Variants in MYO15A observed in about 807,000 individuals in gnomAD.
MYO15A encodes unconventional myosin-XV.
In MYO15A, 308 loss-of-function variants were observed where a neutral mutation model predicts 394.6. The observed-to-expected ratio is 0.78, with a 90% CI of 0.71 to 0.86. The LOEUF is 0.86. Among genes scored for constraint, MYO15A ranks in the 40% least tolerant of loss-of-function variants. The probability of loss-of-function intolerance (pLI) is 0.00; values close to 1 mark genes in which losing one functional copy is unlikely to be tolerated. For missense variants in MYO15A, 4,606 were observed against 4,799.1 expected, an observed-to-expected ratio of 0.96 and a Z score of 1.19; for synonymous variants, 1,957 against 2,003.8, an observed-to-expected ratio of 0.98 and a Z score of 0.62.
In MYO15A at chr17:18,120,597, C is replaced by T. The variant is rs12950307; in HGVS notation, c.1797C>T (p.Gly599=). ...LRGSQKARAG[G]PAVREAAYKR... Reference sequence around the variant, plus strand: ...GCAGCCAGAAGGCCCGGGCGGGCGGCCCTGCTGTCAGGGAGGCGGCCTACA... The same window carrying T: ...GCAGCCAGAAGGCCCGGGCGGGCGGTCCTGCTGTCAGGGAGGCGGCCTACA... The change falls in exon 2 of 66, where the codon GGC becomes GGT. Residue 599 remains glycine (G), a synonymous_variant. Transcript: ENST00000647165. 6.3e-7 allele frequency: 1 copy of T among 1,598,104 alleles called. No homozygotes were observed.
chr17:18,122,062 G>A lies in MYO15A; in HGVS notation c.3262G>A (p.Ala1088Thr), dbSNP rs539382039. 1.2e-5 allele frequency: 19 copies of A among 1,612,866 alleles called. No individual in the cohort carries two copies. The highest frequency in any genetic ancestry group is 3.3e-4 in the Middle Eastern group (2 of 6,062). The stretch of plus-strand genomic sequence containing the variant: ...CCGCTGGGGAACACTGCCCCAAGCC[G>A]CAGCCCCCTTGGCGCCCATCAGGGC... ...WHRWGTLPQA[A>T]APLAPIRAPE... The change falls in exon 2 of 66, where the codon GCA (alanine) becomes ACA (threonine). Residue 1088 changes from alanine (A) to threonine (T), a missense_variant. Physicochemically the swap from Ala to Thr is moderately conservative, Grantham distance 58. Coordinates refer to ENST00000647165, the MANE Select transcript of MYO15A (RefSeq NM_016239.4).
Position 18,120,388 on chromosome 17 carries a change from C to A in MYO15A, c.1588C>A (p.Pro530Thr). 6.2e-7 allele frequency: 1 copy of A among 1,610,882 alleles called. No homozygotes were observed. The highest frequency in any genetic ancestry group is 8.5e-7 in the Non-Finnish European group (1 of 1,179,580). Residue 530 changes from proline (P) to threonine (T), a missense_variant, in exon 2 of 66, where the codon CCT becomes ACT. Pro to Thr is a conservative substitution (Grantham distance 38). Coordinates refer to ENST00000647165, the MANE Select transcript of MYO15A (RefSeq NM_016239.4). ...PPVSAVPYGHPFWGFLTPRQR... is the reference protein window; with the variant it reads ...PPVSAVPYGHTFWGFLTPRQR... ...GGTTTCCGCTGTGCCCTACGGCCACCCTTTCTGGGGCTTCCTCACGCCGCG... is the reference window on the plus strand; with the variant it reads ...GGTTTCCGCTGTGCCCTACGGCCACACTTTCTGGGGCTTCCTCACGCCGCG...
Position 18,119,340 on chromosome 17 carries a change from C to T in MYO15A, c.540C>T (p.Ile180=). 6.2e-7 allele frequency: 1 copy of T among 1,609,446 alleles called. No individual in the cohort carries two copies. Among genetic ancestry groups the T allele is most frequent in the Non-Finnish European group, 8.5e-7 (1 of 1,179,176 alleles). The change falls in exon 2 of 66, where the codon ATC becomes ATT. Residue 180 remains isoleucine, a synonymous_variant. Transcript: ENST00000647165. ...TCCCCTTCCCGTCGGGTGCCGAGAT[C>T]CTGCGGCCTGGGGGCCGGCTCCGGA... The part of the protein sequence containing the change: ...RKLPFPSGAE[I]LRPGGRLRRF...
In MYO15A at chr17:18,159,302, C is replaced by G; in HGVS notation, c.9184C>G (p.Leu3062Val). The G allele has an allele frequency of 6.2e-7, 1 of 1,614,226 alleles. No individual in the cohort carries two copies. The highest frequency in any genetic ancestry group is 8.5e-7 in the Non-Finnish European group (1 of 1,180,034). Residue 3062 changes from leucine (L) to valine (V), a missense_variant, in exon 54 of 66, where the codon CTC becomes GTC. Leu to Val is a conservative substitution (Grantham distance 32). This residue lies in a region of MYO15A where 2,776 missense variants were observed against 3,109.3 expected (regional missense o/e 0.89). Coordinates refer to ENST00000647165, the MANE Select transcript of MYO15A (RefSeq NM_016239.4). The stretch of plus-strand genomic sequence containing the variant: ...TCCCCTCCAGGAATCCCTCATCGAA[C>G]TCAGCGACAGCAGCCTCAGCAAGAT... ...KTPLQESLIE[L>V]SDSSLSKMAT...
intron 24 of MYO15A, 106 bp from the exon 25 acceptor site, chr17:18,142,650 A>G: frequency 1.1e-6 from 1 of 935,358 alleles, no homozygotes; most frequent in Non-Finnish European, 1.7e-6. Context: ...CAAAAGTGAG[A>G]TGTGGGCACT....
intron 5 of MYO15A, 114 bp from the exon 6 acceptor site, chr17:18,126,677 G>A: frequency 1.6e-6 from 2 of 1,287,792 alleles, no homozygotes; most frequent in Non-Finnish European, 2.3e-6. Context: ...CCCCCAACAG[G>A]GTGAGGGGTG....
rs1399485657 is a variant in MYO15A at position 18,138,807 on chromosome 17, C to T, written c.5008-4C>T. 1.2e-6 allele frequency: 2 copies of T among 1,613,606 alleles called. No homozygotes were observed. The highest frequency in any genetic ancestry group is 8.5e-7 in the Non-Finnish European group (1 of 1,179,892). ...CCACCCACTGATCCCTAAATTGCCC[C>T]CAGGCTACAGACCACACCTTCCTAC... On this transcript the variant is annotated splice_polypyrimidine_tract_variant and splice_region_variant and intron_variant, in intron 17 of 65. Coordinates refer to ENST00000647165, the MANE Select transcript of MYO15A (RefSeq NM_016239.4).
rs2046661193 is a variant in MYO15A, at chr17:18,155,497, T to G, written c.8459+65T>G. On this transcript the variant is annotated intron_variant, in intron 47 of 65. Coordinates refer to ENST00000647165, the MANE Select transcript of MYO15A (RefSeq NM_016239.4). The stretch of plus-strand genomic sequence containing the variant: ...GATACAGACTGGCATCGGCATTTCC[T>G]TCCCCTCCACAGCCACTTACCAAGT... The G allele has an allele frequency of 2.8e-6, 4 of 1,435,728 alleles. No homozygotes were observed. The South Asian group carries it at 4.6e-5, about 16-fold the overall frequency. 88.9% of individuals were successfully genotyped at this position (1,435,728 alleles called of 1,614,324 possible).
chr17:18,139,135 A>T (rs1177853226), intron 18 of MYO15A, 199 bp downstream of exon 18: 3 of 742,334 alleles, frequency 4.0e-6, no homozygotes, highest in Non-Finnish European at 6.9e-6. Context: ...GGGTAATAAT[A>T]GTGCCCAACT....
chr17:18,132,651 G>A lies in MYO15A; in HGVS notation c.4320+85G>A. 9.4e-7 allele frequency: 1 copy of A among 1,062,236 alleles called. No homozygotes were observed. Among genetic ancestry groups the A allele is most frequent in the Non-Finnish European group, 1.4e-6 (1 of 697,506 alleles). 65.8% of individuals were successfully genotyped at this position (1,062,236 alleles called of 1,614,324 possible). A position where few individuals can be genotyped will look rare whatever the true frequency, so the allele number is the denominator to read the frequency against. Reference sequence around the variant, plus strand: ...GGCTGGGCCTTGGGAGCCGAGTTGTGAGTGATGGAGTGTGAAGGTGAAGGA... The same window carrying A: ...GGCTGGGCCTTGGGAGCCGAGTTGTAAGTGATGGAGTGTGAAGGTGAAGGA... On this transcript the variant is annotated intron_variant, in intron 11 of 65. Transcript: ENST00000647165. This position sits in a 1 kb window ranked among gnomAD's most constrained non-coding sequence, Gnocchi z 4.6.
Position 18,121,616 on chromosome 17 carries a change from CACCCT to C in MYO15A, c.2817_2821del (p.Ser941LeufsTer37). On this transcript the variant is annotated frameshift_variant, in exon 2 of 66. Coordinates refer to ENST00000647165, the MANE Select transcript of MYO15A (RefSeq NM_016239.4). LOFTEE classifies it high-confidence loss of function. This position sits in a 1 kb window ranked among gnomAD's most constrained non-coding sequence, Gnocchi z 5.3. Reference sequence around the variant, plus strand: ...GTGGACATGCCTCCCACCCAACGCCCACCCTCCCCCTGGCCAGGAGGTGCAGGCAG... The same window carrying C: ...GTGGACATGCCTCCCACCCAACGCCCCCCCCTGGCCAGGAGGTGCAGGCAG... 1 of 1,599,406 alleles carries C rather than the reference CACCCT, an allele frequency of 6.3e-7. No individual in the cohort carries two copies. The highest frequency in any genetic ancestry group is 8.5e-7 in the Non-Finnish European group (1 of 1,172,516).
intron 48 of MYO15A, 144 bp downstream of exon 48, chr17:18,156,480 A>G: frequency 1.3e-5 from 13 of 1,003,106 alleles, no homozygotes; most frequent in Non-Finnish European, 2.0e-5. Context: ...CACTTGGAAT[A>G]CCCTTTCTCC....
Position 18,151,304 on chromosome 17 carries a change from C to T in MYO15A, c.7654+14C>T, listed in dbSNP as rs2046576716. ...CTCCAGAAACCAGTGAGTGCCCTAT[C>T]CCAGCCTCTGGGGCTTCCCAGGACA... is the stretch of plus-strand genomic sequence containing the variant. On this transcript the variant is annotated intron_variant, in intron 39 of 65. Transcript: ENST00000647165. 2.5e-6 allele frequency: 4 copies of T among 1,614,202 alleles called. No individual in the cohort carries two copies. Among genetic ancestry groups the T allele is most frequent in the Non-Finnish European group, 3.4e-6 (4 of 1,180,036 alleles).
chr17:18,173,471 CA>C (rs1256131223), intron 64 of MYO15A: 11 of 400,164 alleles, frequency 2.7e-5, no homozygotes, highest in East Asian at 1.7e-4. Context: ...TCACAAGAAG[CA>C]ACTTTGATGT....
intron 13 of MYO15A, 29 bp from the exon 14 acceptor site, chr17:18,136,388 T>A (rs1239055660): frequency 6.2e-6 from 10 of 1,613,232 alleles, no homozygotes; most frequent in Non-Finnish European, 8.5e-6. Context: ...GCCAGCCTGA[T>A]GTCACTCAAG....
rs2045905749 is a variant in MYO15A, at chr17:18,120,747, C to T, written c.1947C>T (p.Pro649=). The change falls in exon 2 of 66, where the codon CCC becomes CCT. Residue 649 remains proline (P), a synonymous_variant. Transcript: ENST00000647165. ...NDARRPPAPQ[P]APRTLSHWSA... Reference sequence around the variant, plus strand: ...CGCGCCGCCCGCCCGCGCCACAGCCCGCGCCCAGGACCCTCTCCCACTGGA... The same window carrying T: ...CGCGCCGCCCGCCCGCGCCACAGCCTGCGCCCAGGACCCTCTCCCACTGGA... The T allele has an allele frequency of 6.8e-7, 1 of 1,462,396 alleles. No individual in the cohort carries two copies. The highest frequency in any genetic ancestry group is 2.5e-5 in the Admixed American group (1 of 39,516). 90.6% of individuals were successfully genotyped at this position (1,462,396 alleles called of 1,614,324 possible). A position where few individuals can be genotyped will look rare whatever the true frequency, so the allele number is the denominator to read the frequency against.
At chr17:18,164,013 C>T in intron 60 of MYO15A, 175 bp downstream of exon 60, 1 of 676,114 alleles carries the variant, frequency 1.5e-6, no homozygotes, top group Non-Finnish European at 2.7e-6. Context: ...AGCCCTTTAT[C>T]TGTCCCTTTC....
rs780262749 is a variant in MYO15A, at chr17:18,119,253, C to T, written c.453C>T (p.Ser151=). 25 of 1,612,350 alleles carry T rather than the reference C, an allele frequency of 1.6e-5. No individual in the cohort carries two copies. In the South Asian group the frequency reaches 2.2e-4, roughly 14 times the overall value. ...FLLKKAEESG[S]EQATVDAWLQ... is the part of the protein sequence containing the mutation. ...TCAAGAAGGCCGAGGAGTCGGGCAG[C>T]GAACAGGCCACAGTGGACGCCTGGC... The change falls in exon 2 of 66, where the codon AGC becomes AGT. Residue 151 remains serine, a synonymous_variant. Transcript: ENST00000647165.
chr17:18,127,187 G>A, intron 7 of MYO15A, 22 bp downstream of exon 7: 1 of 1,613,334 alleles, frequency 6.2e-7, no homozygotes, highest in Non-Finnish European at 8.5e-7. Flanking sequence ...TGTCTCCCCA[G>A]GACCCTAGGC....
Sources: allele counts gnomAD v4.1 joint callset, GRCh38; gene constraint gnomAD v4.1.1; regional missense constraint gnomAD v4.1.1; non-coding constraint Gnocchi (gnomAD v3.1); transcripts MANE v1.5; gene names NCBI Gene and HGNC (gene_info 2026-07-23, HGNC 2026-07-21).